CDH4: variants seen among roughly 807,000 people sequenced by gnomAD.
The protein encoded by CDH4 is cadherin 4, also known as cadherin-4.
CDH4 carries 33 observed loss-of-function variants against 86.0 expected under a neutral mutation model. The observed-to-expected ratio is 0.38, with a 90% confidence interval of 0.29 to 0.51. The LOEUF is 0.51. Among genes scored for constraint, CDH4 ranks in the 20% least tolerant of loss-of-function variants. The pLI is 0.86. For missense variants in CDH4, 1,114 were observed against 1,307.4 expected, an observed-to-expected ratio of 0.85 and a Z score of 2.28; for synonymous variants, 555 against 549.4, an observed-to-expected ratio of 1.01 and a Z score of -0.14.
chr20:61,776,180 A>G (rs972032790), intron 4 of CDH4, among the ~76,000 whole-genome samples: 4 of 152,194 alleles, frequency 2.6e-5, no homozygotes, highest in African/African-American at 9.7e-5. Context: ...CTTACGCCAC[A>G]TCTGAATGCC....
chr20:61,349,632 G>A (rs998035199), intron 2 of CDH4, among the ~76,000 whole-genome samples: 3 of 152,180 alleles, frequency 2.0e-5, no homozygotes, highest in East Asian at 3.9e-4. Context: ...CTCATCGGGA[G>A]GTCTGTGGAG....
intron 2 of CDH4, among the ~76,000 whole-genome samples, chr20:61,562,602 C>T (rs1212041670): frequency 1.3e-5 from 2 of 152,206 alleles, no homozygotes; most frequent in African/African-American, 4.8e-5. Context: ...CCTGCTTCAG[C>T]CCGGCTGCCA....
At chr20:61,877,987 A>G (rs6061376) in intron 7 of CDH4, among the ~76,000 whole-genome samples, 151,912 of 152,232 alleles carry the variant, frequency 1, 75,798 homozygotes, top group Middle Eastern at 1. Context: ...GGTCATCACC[A>G]GGAACCACGG....
chr20:61,418,791 G>A (rs1180721158), intron 2 of CDH4, among the ~76,000 whole-genome samples: 1 of 152,154 alleles, frequency 6.6e-6, no homozygotes, highest in African/African-American at 2.4e-5. Flanking sequence ...AGGATTGCTT[G>A]AGCCCAGGAT....
Position 61,530,192 on chromosome 20 carries a change from C to T in CDH4, c.170-213371C>T, listed in dbSNP as rs146517436. 4.7e-3 allele frequency among the ~76,000 whole-genome samples: 716 copies of T among 152,176 alleles called. 2 individuals carry two copies. Among genetic ancestry groups the T allele is most frequent in the African/African-American group, 9.5e-3 (395 of 41,512 alleles). ...GGATTATAGGGAACCACCCCACACC[C>T]GGCTAATTTTTGTATTTTAGTAGAG... On this transcript the variant is annotated intron_variant, in intron 2 of 15. Transcript: ENST00000614565.
At chr20:61,531,427 C>T (rs545266493) in intron 2 of CDH4, among the ~76,000 whole-genome samples, 5 of 137,682 alleles carry the variant, frequency 3.6e-5, no homozygotes, top group East Asian at 2.1e-4. Context: ...GAGCCAAGAT[C>T]GTGCCATTGC....
chr20:61,586,048 GGATGAT>G (rs2086471143), intron 2 of CDH4, among the ~76,000 whole-genome samples: 1 of 147,588 alleles, frequency 6.8e-6, no homozygotes, highest in African/African-American at 2.5e-5. Flanking sequence ...GTGATGAGGA[GGATGAT>G]GGTGATGGTG....
chr20:61,261,276 C>G (rs2084126459), intron 2 of CDH4, among the ~76,000 whole-genome samples: 2 of 152,226 alleles, frequency 1.3e-5, no homozygotes, highest in African/African-American at 2.4e-5. Flanking sequence ...CTTCTCTATG[C>G]TCACTGCCAC....
At chr20:61,504,185 G>T (rs1472250815) in intron 2 of CDH4, among the ~76,000 whole-genome samples, 1 of 152,234 alleles carries the variant, frequency 6.6e-6, no homozygotes. Flanking sequence ...ACTGGAGCCT[G>T]TTCCAACGGG....
chr20:61,780,470 TGAG>T (rs2145997333), intron 4 of CDH4, among the ~76,000 whole-genome samples: 1 of 152,292 alleles, frequency 6.6e-6, no homozygotes, highest in East Asian at 1.9e-4. Flanking sequence ...TAAAGCTCCT[TGAG>T]GAGCACACAT....
intron 2 of CDH4, among the ~76,000 whole-genome samples, chr20:61,692,453 AATAG>A (rs556739803): frequency 1.8e-3 from 279 of 152,396 alleles, no homozygotes; most frequent in Middle Eastern, 3.4e-3. Context: ...ATCTGTTTGA[AATAG>A]ATAGACTGAC....
At chr20:61,828,155 T>C (rs530901149) in intron 4 of CDH4, among the ~76,000 whole-genome samples, 97 of 152,136 alleles carry the variant, frequency 6.4e-4, no homozygotes, top group African/African-American at 2.2e-3. Context: ...AAATAATGGG[T>C]CTAGACAATG....
chr20:61,337,352 A>ATGG (rs1555838202), intron 2 of CDH4, among the ~76,000 whole-genome samples: 2 of 119,670 alleles, frequency 1.7e-5, no homozygotes, highest in South Asian at 2.8e-4. Context: ...GATGATAACA[A>ATGG]TGGTGATGAT....
At chr20:61,687,358 G>A (rs1053146880) in intron 2 of CDH4, among the ~76,000 whole-genome samples, 2 of 152,104 alleles carry the variant, frequency 1.3e-5, no homozygotes, top group Non-Finnish European at 2.9e-5. Context: ...GTCAGTGACC[G>A]TCTGTACTCG....
intron 2 of CDH4, among the ~76,000 whole-genome samples, chr20:61,511,309 G>A (rs1168037226): frequency 1.3e-5 from 2 of 152,220 alleles, no homozygotes; most frequent in Admixed American, 1.3e-4. Flanking sequence ...CAGTGGCCTG[G>A]AAGTCGTCTT....
At chr20:61,498,062 TGGGGGGA>T (rs368640880) in intron 2 of CDH4, among the ~76,000 whole-genome samples, 2,535 of 50,316 alleles carry the variant, frequency 0.05, 94 homozygotes, top group African/African-American at 0.17. Context: ...TGTCATGGGG[TGGGGGGA>T]GGGGGGAGGG....
intron 2 of CDH4, among the ~76,000 whole-genome samples, chr20:61,368,312 T>C (rs2084821942): frequency 6.6e-6 from 1 of 152,212 alleles, no homozygotes; most frequent in African/African-American, 2.4e-5. Context: ...ATTTGGGAAG[T>C]GATCCATGAG....
intron 15 of CDH4, 118 bp from the exon 16 acceptor site, chr20:61,936,619 T>A (rs894548287): frequency 8.4e-6 from 6 of 713,646 alleles, no homozygotes; most frequent in Non-Finnish European, 1.3e-5. Context: ...ATTGGACACC[T>A]ACTTTATGCA....
rs118136661 is a variant in CDH4, at chr20:61,918,475, G to A, written c.1375-4976G>A. 3.3e-3 allele frequency among the ~76,000 whole-genome samples: 495 copies of A among 152,282 alleles called. 4 individuals are homozygous for A. Among genetic ancestry groups the A allele is most frequent in the Middle Eastern group, 0.027 (8 of 294 alleles). On this transcript the variant is annotated intron_variant, in intron 9 of 15. Coordinates refer to ENST00000614565, the MANE Select transcript of CDH4 (RefSeq NM_001794.5). ...GCGCTGTGCTGGACGCTGGGGAGGC[G>A]GAGGTACAGGGCACAGCCCCTGCCC...
Sources: allele counts gnomAD v4.1 joint callset (sites outside exome capture counted in the v4.1 genomes callset), GRCh38; gene constraint gnomAD v4.1.1; transcripts MANE v1.5; gene names NCBI Gene and HGNC (gene_info 2026-07-23, HGNC 2026-07-21).